The following PSPC1 variants were observed in gnomAD, a reference collection of about 807,000 sequenced individuals.
PSPC1 encodes the protein paraspeckle protein 1.
In PSPC1, 14 loss-of-function variants were observed where a neutral mutation model predicts 51.6. That is an observed-to-expected ratio of 0.27 (90% confidence interval 0.18 to 0.42). The LOEUF is 0.42. PSPC1 is among the 10% of genes least tolerant of loss of function. The probability of loss-of-function intolerance (pLI) is 1.00; values close to 1 mark genes in which losing one functional copy is unlikely to be tolerated. For missense variants in PSPC1, 406 were observed against 701.1 expected (o/e 0.58, Z 4.75); for synonymous variants, 193 against 231.9 (o/e 0.83, Z 1.53).
downstream of PSPC1, chr13:19,671,428 G>A (rs1876120047): frequency 4.4e-6 from 3 of 686,764 alleles, no homozygotes; most frequent in Admixed American, 2.7e-5. Context: ...GTGATGCTAG[G>A]TGCACCCTCT....
At chr13:19,675,064 C>T (rs1391509963) in intron 7 of PSPC1, 2 of 152,818 alleles carry the variant, frequency 1.3e-5, no homozygotes, top group Admixed American at 6.5e-5. Context: ...ATCTGTCCGC[C>T]TGGCACCACT....
At chr13:19,684,830 A>T (rs541979857) in intron 6 of PSPC1, among the ~76,000 whole-genome samples, 2 of 152,354 alleles carry the variant, frequency 1.3e-5, no homozygotes, top group East Asian at 3.9e-4. Flanking sequence ...TCACTGGGGA[A>T]CACTACTTCT....
At chr13:19,717,815 G>A (rs1012232757) in intron 6 of PSPC1, among the ~76,000 whole-genome samples, 1 of 151,364 alleles carries the variant, frequency 6.6e-6, no homozygotes, top group African/African-American at 2.4e-5. Flanking sequence ...GACAGAGTTT[G>A]CAGTGAGCTG....
chr13:19,685,593 G>A (rs1461529310), intron 6 of PSPC1, among the ~76,000 whole-genome samples: 2 of 152,288 alleles, frequency 1.3e-5, no homozygotes, highest in Admixed American at 6.5e-5. Context: ...AAAGAGCACT[G>A]AAATTCAACT....
rs955239077 is a variant in PSPC1, at chr13:19,730,182, T to TA, written c.1158+56dup. On this transcript the variant is annotated intron_variant, in intron 6 of 8. Transcript: ENST00000338910. ...AAACCAAAATCTAAAGCATTCTAAA[T>TA]ATGCATCATAAACCTGAAAATATAA... is the stretch of plus-strand genomic sequence containing the variant. 3 of 1,415,202 alleles carry TA rather than the reference T, an allele frequency of 2.1e-6. No homozygotes were observed. The African/African-American group carries it at 4.2e-5, about 20-fold the overall frequency. 87.7% of individuals were successfully genotyped at this position (1,415,202 alleles called of 1,614,324 possible).
At chr13:19,697,652 A>G (rs756789308), downstream of PSPC1, among the ~76,000 whole-genome samples, 1 of 152,196 alleles carries the variant, frequency 6.6e-6, no homozygotes, top group Non-Finnish European at 1.5e-5. Flanking sequence ...ATTAACATAC[A>G]GTGATTAACA....
chr13:19,769,624 AT>A (rs1888433028), intron 2 of PSPC1, among the ~76,000 whole-genome samples: 1 of 151,934 alleles, frequency 6.6e-6, no homozygotes, highest in Non-Finnish European at 1.5e-5. Context: ...AATCCCAGCT[AT>A]CTGGGAGGCT....
chr13:19,746,222 T>G (rs1368836339), intron 4 of PSPC1, among the ~76,000 whole-genome samples: 1 of 150,654 alleles, frequency 6.6e-6, no homozygotes, highest in Non-Finnish European at 1.5e-5. Flanking sequence ...ACCAACATGG[T>G]GAAACCCCAT....
chr13:19,774,603 C>T (rs1444587033), intron 1 of PSPC1, among the ~76,000 whole-genome samples: 3 of 151,532 alleles, frequency 2.0e-5, no homozygotes, highest in Admixed American at 6.6e-5. Flanking sequence ...AGTTCAAGAC[C>T]GGCCTCCTGG....
intron 4 of PSPC1, among the ~76,000 whole-genome samples, chr13:19,744,540 C>T (rs1885758737): frequency 6.6e-6 from 1 of 151,986 alleles, no homozygotes; most frequent in Admixed American, 6.6e-5. Context: ...GTAAAAAGTA[C>T]ATAACTAGAG....
At chr13:19,769,459 G>T (rs1291341776) in intron 2 of PSPC1, among the ~76,000 whole-genome samples, 1 of 152,174 alleles carries the variant, frequency 6.6e-6, no homozygotes, top group East Asian at 1.9e-4. Context: ...GGAGGCTGAG[G>T]CAGGAGAATG....
intron 5 of PSPC1, among the ~76,000 whole-genome samples, chr13:19,735,236 G>A (rs1399608169): frequency 1.3e-5 from 2 of 152,120 alleles, no homozygotes; most frequent in Admixed American, 6.6e-5. Context: ...CACTTGAACC[G>A]AAGAGGCAGA....
chr13:19,740,153 G>A (rs1042661219), intron 5 of PSPC1, among the ~76,000 whole-genome samples: 1 of 152,132 alleles, frequency 6.6e-6, no homozygotes, highest in Non-Finnish European at 1.5e-5. Context: ...AGACCAGCCT[G>A]ACCAACATGG....
intron 4 of PSPC1, 49 bp downstream of exon 4, chr13:19,751,222 T>A (rs1886518962): frequency 6.8e-7 from 1 of 1,469,832 alleles, no homozygotes; most frequent in South Asian, 1.5e-5. Flanking sequence ...TACACACACT[T>A]AAGGGAAAAA....
chr13:19,675,287 C>T (rs1245136898), intron 7 of PSPC1: 1 of 152,194 alleles, frequency 6.6e-6, no homozygotes, highest in African/African-American at 2.4e-5. Flanking sequence ...GGTTCCCAGG[C>T]ACAGAGCGTT....
chr13:19,773,033 G>A (rs1888763488), intron 1 of PSPC1, among the ~76,000 whole-genome samples: 1 of 151,774 alleles, frequency 6.6e-6, no homozygotes, highest in South Asian at 2.1e-4. Flanking sequence ...GTGGTGGCGG[G>A]TGCCTTAATC....
At chr13:19,776,177 G>A (rs2138343569) in intron 1 of PSPC1, among the ~76,000 whole-genome samples, 1 of 152,278 alleles carries the variant, frequency 6.6e-6, no homozygotes, top group Admixed American at 6.5e-5. Context: ...TCACAAACCA[G>A]TGGCTAGGCA....
At chr13:19,738,047 G>A (rs1014617013) in intron 5 of PSPC1, among the ~76,000 whole-genome samples, 10 of 152,140 alleles carry the variant, frequency 6.6e-5, no homozygotes, top group Non-Finnish European at 1.0e-4. Flanking sequence ...CTATGATTGA[G>A]ACACTGCACT....
intron 2 of PSPC1, among the ~76,000 whole-genome samples, chr13:19,767,484 A>G (rs1025068699): frequency 2.0e-5 from 3 of 152,174 alleles, no homozygotes; most frequent in African/African-American, 7.2e-5. Context: ...ACAGCACCAT[A>G]CAATAAGCAA....
Sources: gnomAD v4.1 joint callset for allele counts (sites outside exome capture counted in the v4.1 genomes callset) on GRCh38, gnomAD v4.1.1 for gene constraint, MANE v1.5 for transcripts, NCBI Gene and HGNC (gene_info 2026-07-23, HGNC 2026-07-21) for gene names.